Variants in MDGA2 observed in about 807,000 individuals in gnomAD.
The protein encoded by MDGA2 is MAM domain-containing glycosylphosphatidylinositol anchor protein 2.
Under a neutral mutation model 117.8 loss-of-function variants are expected in MDGA2, and 40 were observed. The ratio of observed to expected loss-of-function variants is 0.34; its 90% confidence interval spans 0.26 to 0.44. MDGA2 has a LOEUF of 0.44. Among genes scored for constraint, MDGA2 ranks in the 20% least tolerant of loss-of-function variants. The probability of loss-of-function intolerance (pLI) is 1.00; values close to 1 mark genes in which losing one functional copy is unlikely to be tolerated. For missense variants in MDGA2, 1,123 were observed against 1,250.6 expected (o/e 0.90, Z 1.54); for synonymous variants, 452 against 439.0 (o/e 1.03, Z -0.37).
At chr14:47,295,012 T>C (rs538449253) in intron 2 of MDGA2, among the ~76,000 whole-genome samples, 1 of 152,324 alleles carries the variant, frequency 6.6e-6, no homozygotes, top group South Asian at 2.1e-4. Context: ...AATTTTTTTA[T>C]GCAAAAAGCA....
At chr14:47,360,460 A>G (rs1354009836) in intron 1 of MDGA2, among the ~76,000 whole-genome samples, 1 of 151,982 alleles carries the variant, frequency 6.6e-6, no homozygotes, top group Non-Finnish European at 1.5e-5. Context: ...AGACATAAAA[A>G]TGGGCAACGG....
chr14:46,980,390 G>A lies in MDGA2; in HGVS notation c.1820-22747C>T, dbSNP rs1426329481. On this transcript the variant is annotated intron_variant, in intron 8 of 16. Transcript: ENST00000399232. Reference sequence around the variant, plus strand: ...ATGAAGAGTTGTTTTTTATGGAGAAGCAAAGATAGTGGTTTCTTGAGATAG... The same window carrying A: ...ATGAAGAGTTGTTTTTTATGGAGAAACAAAGATAGTGGTTTCTTGAGATAG... 3.9e-5 allele frequency among the ~76,000 whole-genome samples: 6 copies of A among 152,166 alleles called. 1 individual carries two copies. In the South Asian group the frequency reaches 1.0e-3, roughly 26 times the overall value.
intron 8 of MDGA2, among the ~76,000 whole-genome samples, chr14:47,027,897 A>G (rs1179006544): frequency 6.6e-6 from 1 of 152,022 alleles, no homozygotes; most frequent in Non-Finnish European, 1.5e-5. Flanking sequence ...ATGTAAATCC[A>G]TGGAAAGATA....
chr14:47,226,216 C>CATAAATAAATAAATAA (rs201861877), intron 2 of MDGA2, among the ~76,000 whole-genome samples: 5 of 142,858 alleles, frequency 3.5e-5, no homozygotes, highest in Admixed American at 7.1e-5. Flanking sequence ...ACTGTCTCAC[C>CATAAATAAATAAATAA]ATAAATAAAT....
chr14:46,980,196 G>A (rs1176022738), intron 8 of MDGA2, among the ~76,000 whole-genome samples: 2 of 152,124 alleles, frequency 1.3e-5, no homozygotes, highest in East Asian at 3.9e-4. Flanking sequence ...AACACTAACA[G>A]GAGTTTGGAA....
chr14:47,315,493 G>A lies in MDGA2; in HGVS notation c.281-13943C>T, dbSNP rs146271783. Among the ~76,000 whole-genome samples the A allele has an allele frequency of 4.3e-3, 654 of 151,948 alleles. 7 individuals carry two copies. Among genetic ancestry groups the A allele is most frequent in the African/African-American group, 0.015 (615 of 41,476 alleles). ...TAGGCATCACGTGGTATAAATCTTG[G>A]GTCATCATTGGAGCATAACAAGTAT... On this transcript the variant is annotated intron_variant, in intron 1 of 16. Coordinates refer to ENST00000399232, the MANE Select transcript of MDGA2 (RefSeq NM_001113498.3).
intron 5 of MDGA2, among the ~76,000 whole-genome samples, chr14:47,126,346 AAAT>A (rs1328289880): frequency 6.6e-6 from 1 of 152,138 alleles, no homozygotes; most frequent in Non-Finnish European, 1.5e-5. Flanking sequence ...ATAAATAAAT[AAAT>A]AAGTCACTTT....
At chr14:47,283,282 C>T (rs139308253) in intron 2 of MDGA2, among the ~76,000 whole-genome samples, 1 of 152,246 alleles carries the variant, frequency 6.6e-6, no homozygotes, top group East Asian at 1.9e-4. Context: ...AATCAGTCCT[C>T]TACCTTCAAG....
chr14:47,315,430 T>C (rs1273216964), intron 1 of MDGA2, among the ~76,000 whole-genome samples: 2 of 152,160 alleles, frequency 1.3e-5, no homozygotes, highest in Admixed American at 6.6e-5. Context: ...TTTTCACTTA[T>C]TGTGTTACTG....
At chr14:47,653,675 A>C (rs2138275123) in intron 1 of MDGA2, among the ~76,000 whole-genome samples, 1 of 152,312 alleles carries the variant, frequency 6.6e-6, no homozygotes, top group South Asian at 2.1e-4. Context: ...TAATCAGCTG[A>C]CCTTAAAATA....
At chr14:47,172,473 G>A (rs1037988890) in intron 3 of MDGA2, among the ~76,000 whole-genome samples, 6 of 152,064 alleles carry the variant, frequency 3.9e-5, no homozygotes, top group African/African-American at 1.2e-4. Context: ...CGATCAGAGA[G>A]CAGCATTCGC....
chr14:47,237,181 A>G (rs921174588), intron 2 of MDGA2, among the ~76,000 whole-genome samples: 1 of 152,162 alleles, frequency 6.6e-6, no homozygotes, highest in Non-Finnish European at 1.5e-5. Context: ...GAAAAAAATC[A>G]TTTATTGGGC....
chr14:47,507,835 T>C (rs1894547484), intron 1 of MDGA2, among the ~76,000 whole-genome samples: 1 of 152,196 alleles, frequency 6.6e-6, no homozygotes, highest in Non-Finnish European at 1.5e-5. Flanking sequence ...TTAAGATCTT[T>C]CAGTTGATTG....
chr14:47,548,190 T>C (rs1330791407), intron 1 of MDGA2, among the ~76,000 whole-genome samples: 1 of 152,224 alleles, frequency 6.6e-6, no homozygotes, highest in African/African-American at 2.4e-5. Context: ...CTCTCTCATT[T>C]AGTTTATTAC....
At chr14:46,989,130 TTGTATC>T (rs1444370986) in intron 8 of MDGA2, among the ~76,000 whole-genome samples, 1 of 152,082 alleles carries the variant, frequency 6.6e-6, no homozygotes, top group African/African-American at 2.4e-5. Flanking sequence ...TCACTTTTCT[TTGTATC>T]TGTCCACACA....
intron 3 of MDGA2, among the ~76,000 whole-genome samples, chr14:47,207,124 A>G (rs1885713576): frequency 6.6e-6 from 1 of 152,012 alleles, no homozygotes; most frequent in African/African-American, 2.4e-5. Flanking sequence ...ACAGTAAATA[A>G]TGACATAAGG....
intron 1 of MDGA2, among the ~76,000 whole-genome samples, chr14:47,364,951 G>A (rs1037448848): frequency 2.0e-5 from 3 of 152,178 alleles, no homozygotes; most frequent in African/African-American, 7.2e-5. Flanking sequence ...ATCTAAATTT[G>A]AATTACCCAA....
intron 9 of MDGA2, among the ~76,000 whole-genome samples, chr14:46,920,421 C>G (rs1884082618): frequency 6.6e-6 from 1 of 151,954 alleles, no homozygotes; most frequent in South Asian, 2.1e-4. Flanking sequence ...AAATGGAAAT[C>G]CATGGGAGGA....
chr14:46,853,310 A>G (rs6572394), intron 15 of MDGA2, among the ~76,000 whole-genome samples: 5,577 of 151,964 alleles, frequency 0.037, 363 homozygotes, highest in African/African-American at 0.13. Context: ...GTTGTGTGAC[A>G]CTTTCAAGCA....
Sources: allele counts gnomAD v4.1 joint callset (sites outside exome capture counted in the v4.1 genomes callset), GRCh38; gene constraint gnomAD v4.1.1; transcripts MANE v1.5; gene names NCBI Gene and HGNC (gene_info 2026-07-23, HGNC 2026-07-21).